The following ERC2 variants were observed in gnomAD, a reference collection of about 807,000 sequenced individuals.
ERC2 encodes the protein ELKS/RAB6-interacting/CAST family member 2.
Under a neutral mutation model 114.8 loss-of-function variants are expected in ERC2, and 42 were observed. The observed-to-expected ratio is 0.37, with a 90% confidence interval of 0.29 to 0.47. The LOEUF (loss-of-function observed/expected upper bound fraction) is 0.47. Among genes scored for constraint, ERC2 ranks in the 20% least tolerant of loss-of-function variants. The pLI is 0.99. For missense variants in ERC2, 939 were observed against 1,150.7 expected (o/e 0.82, Z 2.66); for synonymous variants, 454 against 425.5 (o/e 1.07, Z -0.82).
intron 16 of ERC2, among the ~76,000 whole-genome samples, chr3:55,697,834 G>A (rs1162588499): frequency 1.3e-5 from 2 of 151,656 alleles, no homozygotes; most frequent in African/African-American, 4.8e-5. Context: ...GCCAAAGTGG[G>A]GACTGCAGGC....
At chr3:55,566,785 GC>G (rs1169857976) in intron 17 of ERC2, among the ~76,000 whole-genome samples, 2 of 151,908 alleles carry the variant, frequency 1.3e-5, no homozygotes, top group Non-Finnish European at 2.9e-5. Context: ...TGAAACCTCT[GC>G]CTCCTGGGTT....
chr3:56,279,246 C>A (rs553343916), intron 3 of ERC2, among the ~76,000 whole-genome samples: 1 of 152,328 alleles, frequency 6.6e-6, no homozygotes, highest in South Asian at 2.1e-4. Flanking sequence ...TACTAGGGTT[C>A]ATGGAAGCAT....
At chr3:56,236,652 T>C (rs1324638214) in intron 3 of ERC2, among the ~76,000 whole-genome samples, 1 of 152,120 alleles carries the variant, frequency 6.6e-6, no homozygotes, top group African/African-American at 2.4e-5. Context: ...TATATTGAGG[T>C]ATTTTGGGCT....
chr3:56,255,292 G>A (rs1309260473), intron 3 of ERC2, among the ~76,000 whole-genome samples: 3 of 152,190 alleles, frequency 2.0e-5, no homozygotes, highest in Non-Finnish European at 4.4e-5. Context: ...ACTTAAGGCT[G>A]TAACCCCCAC....
At chr3:55,915,265 C>A (rs571926971) in intron 13 of ERC2, among the ~76,000 whole-genome samples, 15 of 152,140 alleles carry the variant, frequency 9.9e-5, no homozygotes, top group African/African-American at 3.4e-4. Context: ...ACGATCATTG[C>A]TGTACCAACA....
chr3:55,834,663 G>C (rs1302681912), intron 14 of ERC2, among the ~76,000 whole-genome samples: 1 of 150,226 alleles, frequency 6.7e-6, no homozygotes, highest in Non-Finnish European at 1.5e-5. Context: ...AAGCAGGAAA[G>C]ATCCAAAATT....
chr3:55,903,330 ACT>A (rs1462940636), intron 13 of ERC2, among the ~76,000 whole-genome samples: 1 of 152,252 alleles, frequency 6.6e-6, no homozygotes, highest in Non-Finnish European at 1.5e-5. Context: ...ATTAAACATA[ACT>A]CTGCATCAAA....
chr3:55,756,652 C>T (rs2067078038), intron 14 of ERC2, among the ~76,000 whole-genome samples: 1 of 152,188 alleles, frequency 6.6e-6, no homozygotes, highest in Non-Finnish European at 1.5e-5. Flanking sequence ...CAAACACTGG[C>T]CCAAGCCATG....
At chr3:55,729,271 AAC>A (rs1360315742) in intron 15 of ERC2, among the ~76,000 whole-genome samples, 2 of 152,118 alleles carry the variant, frequency 1.3e-5, no homozygotes, top group South Asian at 2.1e-4. Flanking sequence ...CTATCCCCCA[AAC>A]ACACACGTAC....
intron 3 of ERC2, among the ~76,000 whole-genome samples, chr3:56,280,239 CT>C (rs1374547530): frequency 6.6e-6 from 1 of 152,172 alleles, no homozygotes; most frequent in Non-Finnish European, 1.5e-5. Context: ...TGAATTCCCC[CT>C]GAGAGCTTCC....
chr3:55,862,736 C>T (rs554324368), intron 14 of ERC2, among the ~76,000 whole-genome samples: 9 of 152,272 alleles, frequency 5.9e-5, no homozygotes, highest in African/African-American at 1.7e-4. Flanking sequence ...ATTGAGATGT[C>T]GAATTCTGCT....
chr3:55,731,472 C>T (rs983678400), intron 15 of ERC2, among the ~76,000 whole-genome samples: 2 of 152,246 alleles, frequency 1.3e-5, no homozygotes, highest in African/African-American at 2.4e-5. Context: ...GTTTACCTTT[C>T]ACCTCACAAT....
In ERC2 at chr3:55,728,721, C is replaced by T. The variant is rs569950943; in HGVS notation, c.2712+6050G>A. Among the ~76,000 whole-genome samples, 10 of 152,298 alleles carry T rather than the reference C, an allele frequency of 6.6e-5. No homozygotes were observed. The South Asian group carries it at 2.1e-3, about 32-fold the overall frequency. Reference sequence around the variant, plus strand: ...CTTCTTCTCCTAGGCACAGGCAACCCCCAGTGCAGGCCAAGAGTTGGGGAA... The same window carrying T: ...CTTCTTCTCCTAGGCACAGGCAACCTCCAGTGCAGGCCAAGAGTTGGGGAA... On this transcript the variant is annotated intron_variant, in intron 15 of 17. Coordinates refer to ENST00000288221, the MANE Select transcript of ERC2 (RefSeq NM_015576.3).
chr3:55,911,525 C>T (rs934092204), intron 13 of ERC2, among the ~76,000 whole-genome samples: 1 of 152,158 alleles, frequency 6.6e-6, no homozygotes, highest in Non-Finnish European at 1.5e-5. Flanking sequence ...TATAATATCA[C>T]CTTTAAGATC....
intron 2 of ERC2, among the ~76,000 whole-genome samples, chr3:56,362,984 A>G (rs1210045208): frequency 6.6e-6 from 1 of 152,210 alleles, no homozygotes; most frequent in Non-Finnish European, 1.5e-5. Context: ...TACACAGGAT[A>G]GTTGCAATTG....
At chr3:55,586,925 G>A (rs1210362892) in intron 17 of ERC2, among the ~76,000 whole-genome samples, 1 of 152,004 alleles carries the variant, frequency 6.6e-6, no homozygotes, top group Non-Finnish European at 1.5e-5. Context: ...AAATATAATT[G>A]AAATCTTCCT....
chr3:55,897,380 G>C (rs939337083), intron 13 of ERC2, among the ~76,000 whole-genome samples: 1 of 152,192 alleles, frequency 6.6e-6, no homozygotes, highest in African/African-American at 2.4e-5. Context: ...TTCTGTTAAT[G>C]ATTTGGAATT....
At chr3:55,750,011 T>C (rs972378136) in intron 14 of ERC2, among the ~76,000 whole-genome samples, 8 of 152,278 alleles carry the variant, frequency 5.3e-5, no homozygotes, top group African/African-American at 1.9e-4. Context: ...TACCTATAGG[T>C]GGTGGCTTAA....
At chr3:55,545,505 C>G (rs558193486) in intron 17 of ERC2, among the ~76,000 whole-genome samples, 86 of 152,270 alleles carry the variant, frequency 5.6e-4, no homozygotes, top group African/African-American at 2.0e-3. Flanking sequence ...ACAGGAGTGC[C>G]AGGCATTGTA....
Sources: gnomAD v4.1 joint callset for allele counts (sites outside exome capture counted in the v4.1 genomes callset) on GRCh38, gnomAD v4.1.1 for gene constraint, MANE v1.5 for transcripts, NCBI Gene and HGNC (gene_info 2026-07-23, HGNC 2026-07-21) for gene names.